The following NRG1 variants were observed in gnomAD, a reference collection of about 807,000 sequenced individuals.
The protein encoded by NRG1 is pro-neuregulin-1, membrane-bound isoform.
A neutral mutation model predicts 63.8 loss-of-function variants in NRG1; 18 were observed. The ratio of observed to expected loss-of-function variants is 0.28; its 90% CI spans 0.19 to 0.42. The LOEUF (loss-of-function observed/expected upper bound fraction) is 0.42. Among genes scored for constraint, NRG1 ranks in the 10% least tolerant of loss-of-function variants. The pLI, the probability that NRG1 is intolerant of heterozygous loss-of-function variation, is 1.00. For synonymous variants in NRG1, 302 were observed against 301.3 expected, an observed-to-expected ratio of 1.00 and a Z score of -0.02; for missense variants, 762 against 814.7, an observed-to-expected ratio of 0.94 and a Z score of 0.79.
chr8:32,443,332 C>T (rs1049626205), intron 1 of NRG1, among the ~76,000 whole-genome samples: 2 of 152,182 alleles, frequency 1.3e-5, no homozygotes, highest in Admixed American at 1.3e-4. Flanking sequence ...AGGTCATTCA[C>T]ATCTTTCATT....
At chr8:32,391,668 T>A (rs989329817) in intron 1 of NRG1, among the ~76,000 whole-genome samples, 2 of 152,202 alleles carry the variant, frequency 1.3e-5, no homozygotes, top group African/African-American at 4.8e-5. Flanking sequence ...TCTAACTCCA[T>A]CCATGTTCCT....
intron 1 of NRG1, among the ~76,000 whole-genome samples, chr8:32,145,746 A>G (rs1399320877): frequency 2.0e-5 from 3 of 152,244 alleles, no homozygotes; most frequent in Non-Finnish European, 4.4e-5. Context: ...CCTCTCTGTA[A>G]ATGGTGTTAG....
intron 1 of NRG1, among the ~76,000 whole-genome samples, chr8:32,565,186 A>T (rs1163257476): frequency 6.6e-6 from 1 of 152,146 alleles, no homozygotes; most frequent in Admixed American, 6.5e-5. Flanking sequence ...TATCCCACTC[A>T]GGACCATTGG....
chr8:32,075,462 C>T (rs1826353649), intron 1 of NRG1, among the ~76,000 whole-genome samples: 1 of 152,006 alleles, frequency 6.6e-6, no homozygotes, highest in African/African-American at 2.4e-5. Flanking sequence ...TAATTTCTCT[C>T]CTTTTTTTCC....
intron 5 of NRG1, among the ~76,000 whole-genome samples, chr8:32,688,446 C>G (rs1810751924): frequency 6.6e-6 from 1 of 152,142 alleles, no homozygotes; most frequent in South Asian, 2.1e-4. Flanking sequence ...TCGAATGTGC[C>G]TAATTTTTCT....
intron 1 of NRG1, among the ~76,000 whole-genome samples, chr8:31,773,412 G>C (rs1423526462): frequency 6.6e-6 from 1 of 152,092 alleles, no homozygotes; most frequent in East Asian, 1.9e-4. Context: ...AATTCATCAA[G>C]GACTACCGTA....
chr8:32,219,352 C>A (rs937163555), intron 1 of NRG1, among the ~76,000 whole-genome samples: 3 of 152,184 alleles, frequency 2.0e-5, no homozygotes, highest in Non-Finnish European at 4.4e-5. Flanking sequence ...AGAAAGAAAT[C>A]TGCATTCAGG....
chr8:32,692,580 C>T (rs890259652), intron 5 of NRG1, among the ~76,000 whole-genome samples: 2 of 152,144 alleles, frequency 1.3e-5, no homozygotes, highest in African/African-American at 4.8e-5. Flanking sequence ...ACAAAAATAT[C>T]CATGTATTAA....
chr8:32,704,088 A>G (rs1446366803), intron 5 of NRG1, among the ~76,000 whole-genome samples: 1 of 152,216 alleles, frequency 6.6e-6, no homozygotes, highest in Non-Finnish European at 1.5e-5. Flanking sequence ...TAATTTAACA[A>G]ATTGCTAGTT....
At chr8:32,416,952 C>T (rs745468345) in intron 1 of NRG1, among the ~76,000 whole-genome samples, 1 of 152,154 alleles carries the variant, frequency 6.6e-6, no homozygotes, top group Non-Finnish European at 1.5e-5. Context: ...TCCCAAAGTG[C>T]TGAGATACAG....
intron 1 of NRG1, among the ~76,000 whole-genome samples, chr8:32,385,315 G>A (rs1317327093): frequency 6.6e-6 from 1 of 152,076 alleles, no homozygotes; most frequent in African/African-American, 2.4e-5. Context: ...GTGAGCCACC[G>A]CGCCTGGCTG....
At chr8:31,676,797 T>C (rs1305512059) in intron 1 of NRG1, among the ~76,000 whole-genome samples, 1 of 152,210 alleles carries the variant, frequency 6.6e-6, no homozygotes, top group African/African-American at 2.4e-5. Flanking sequence ...GAAATTACTT[T>C]CCTCTCTAGA....
intron 1 of NRG1, among the ~76,000 whole-genome samples, chr8:32,041,290 G>A (rs569079538): frequency 2.0e-5 from 3 of 152,174 alleles, no homozygotes; most frequent in South Asian, 4.2e-4. Flanking sequence ...ATTTATTATG[G>A]TATTTACCCT....
rs547187133 is a variant in NRG1, at chr8:32,165,618, G to GA, written c.38-430208dup. ...AAAGGAGTAATTCATTTTGCTGGAA[G>GA]AATCAAGGAAGCAATCACAAAGGTT... On this transcript the variant is annotated intron_variant, in intron 1 of 10. Transcript: ENST00000519301. 1.8e-4 allele frequency among the ~76,000 whole-genome samples: 28 copies of GA among 152,272 alleles called. No homozygotes were observed. In the South Asian group the frequency reaches 3.5e-3, roughly 19 times the overall value.
chr8:31,654,891 T>A (rs1384922227), intron 1 of NRG1, among the ~76,000 whole-genome samples: 1 of 152,200 alleles, frequency 6.6e-6, no homozygotes, highest in African/African-American at 2.4e-5. Flanking sequence ...CAGAGAGCTA[T>A]GATTGCATCA....
At chr8:31,853,221 T>C (rs957403765) in intron 1 of NRG1, among the ~76,000 whole-genome samples, 1 of 152,236 alleles carries the variant, frequency 6.6e-6, no homozygotes, top group African/African-American at 2.4e-5. Flanking sequence ...ATTTTCACGA[T>C]ATTGATTCTT....
intron 1 of NRG1, among the ~76,000 whole-genome samples, chr8:32,209,262 TA>T (rs1844405880): frequency 6.6e-6 from 1 of 152,144 alleles, no homozygotes; most frequent in South Asian, 2.1e-4. Flanking sequence ...TATTTATTTA[TA>T]AAATTATTTA....
chr8:32,322,355 T>TTATATATATATATATATATATA (rs149742517), intron 1 of NRG1, among the ~76,000 whole-genome samples: 14 of 142,650 alleles, frequency 9.8e-5, no homozygotes, highest in African/African-American at 3.4e-4. Flanking sequence ...CAACCTTATT[T>TTATATATATATATATATATATA]TATATATATA....
chr8:32,418,803 T>G (rs1446470090), intron 1 of NRG1, among the ~76,000 whole-genome samples: 1 of 152,178 alleles, frequency 6.6e-6, no homozygotes, highest in Non-Finnish European at 1.5e-5. Context: ...AAACCAGCAT[T>G]GCAGTTCAGT....
Sources: allele counts gnomAD v4.1 joint callset (sites outside exome capture counted in the v4.1 genomes callset), GRCh38; gene constraint gnomAD v4.1.1; transcripts MANE v1.5; gene names NCBI Gene and HGNC (gene_info 2026-07-23, HGNC 2026-07-21).